SGPL1: variants seen among roughly 807,000 people sequenced by gnomAD.
SGPL1 encodes the protein sphingosine-1-phosphate lyase 1.
In SGPL1, 37 loss-of-function variants were observed where a neutral mutation model predicts 68.9. That is an observed-to-expected ratio of 0.54 (90% CI 0.41 to 0.71). The LOEUF (loss-of-function observed/expected upper bound fraction) is 0.71, where lower values mean the gene tolerates loss of function less well. SGPL1 is among the 30% of genes least tolerant of loss of function. The pLI, the probability that SGPL1 is intolerant of heterozygous loss-of-function variation, is 0.00. For synonymous variants in SGPL1, 236 were observed against 248.5 expected (o/e 0.95, Z 0.47); for missense variants, 551 against 704.6 (o/e 0.78, Z 2.47).
At chr10:70,823,131 CGT>C (rs1362011008) in intron 2 of SGPL1, among the ~76,000 whole-genome samples, 1 of 151,932 alleles carries the variant, frequency 6.6e-6, no homozygotes, top group Non-Finnish European at 1.5e-5. Flanking sequence ...ATTCAAGGGG[CGT>C]GTGTGTGTCT....
chr10:70,852,823 G>A (rs1346557118), intron 4 of SGPL1, among the ~76,000 whole-genome samples: 2 of 152,200 alleles, frequency 1.3e-5, no homozygotes, highest in African/African-American at 4.8e-5. Flanking sequence ...TCTGGGTGCT[G>A]GGGATATGGT....
intron 8 of SGPL1, among the ~76,000 whole-genome samples, chr10:70,868,663 A>G (rs529960243): frequency 6.6e-6 from 1 of 150,534 alleles, no homozygotes; most frequent in South Asian, 2.2e-4. Flanking sequence ...CCACCCCCAG[A>G]TCATGCATAG....
At chr10:70,847,757 G>T (rs1845814779) in intron 3 of SGPL1, among the ~76,000 whole-genome samples, 2 of 152,152 alleles carry the variant, frequency 1.3e-5, no homozygotes, top group African/African-American at 2.4e-5. Flanking sequence ...AGAGATCAGG[G>T]ATAATTTTGA....
chr10:70,854,926 C>T, intron 5 of SGPL1, 71 bp downstream of exon 5: 1 of 1,355,884 alleles, frequency 7.4e-7, no homozygotes, highest in Non-Finnish European at 9.9e-7. Context: ...TTAATGTTCA[C>T]ATAGGTTAAG....
intron 2 of SGPL1, among the ~76,000 whole-genome samples, chr10:70,827,591 C>T (rs972183337): frequency 2.6e-5 from 4 of 152,056 alleles, no homozygotes; most frequent in Non-Finnish European, 4.4e-5. Flanking sequence ...CAATCCTAGC[C>T]CATTATTCAG....
At chr10:70,828,133 T>C (rs1438526432) in intron 2 of SGPL1, among the ~76,000 whole-genome samples, 1 of 152,202 alleles carries the variant, frequency 6.6e-6, no homozygotes, top group Admixed American at 6.5e-5. Flanking sequence ...AGTTGCTGTG[T>C]GGTAACGTGT....
At chr10:70,847,039 T>C (rs1845802307) in intron 3 of SGPL1, among the ~76,000 whole-genome samples, 1 of 152,212 alleles carries the variant, frequency 6.6e-6, no homozygotes, top group African/African-American at 2.4e-5. Flanking sequence ...TGCTGGCCTC[T>C]GAGAGGCCAA....
chr10:70,819,953 A>G (rs759448436), intron 2 of SGPL1, among the ~76,000 whole-genome samples: 16 of 152,148 alleles, frequency 1.1e-4, no homozygotes, highest in Non-Finnish European at 1.9e-4. Context: ...TGCAGCTTAT[A>G]TTATACATGA....
intron 2 of SGPL1, among the ~76,000 whole-genome samples, chr10:70,832,938 T>C (rs895368060): frequency 2.6e-5 from 4 of 152,246 alleles, no homozygotes; most frequent in African/African-American, 9.6e-5. Flanking sequence ...CTTTTAAATA[T>C]GTATTTCAGA....
In SGPL1 at chr10:70,877,933, G is replaced by T. The variant is rs989500512; in HGVS notation, c.*598G>T. Reference sequence around the variant, plus strand: ...GGGTTCAAGCGATTCTTCTGCCTCAGCCTCCCGAGTAGCTGGGATTACCGG... The same window carrying T: ...GGGTTCAAGCGATTCTTCTGCCTCATCCTCCCGAGTAGCTGGGATTACCGG... On this transcript the variant is annotated 3_prime_UTR_variant, in exon 15 of 15. Transcript: ENST00000373202. 6.7e-6 allele frequency: 1 copy of T among 148,756 alleles called. No homozygotes were observed. The highest frequency in any genetic ancestry group is 1.5e-5 in the Non-Finnish European group (1 of 67,716). The allele number at this position is 148,756 out of a possible 1,614,324, so 9.2% of individuals were successfully genotyped here.
intron 2 of SGPL1, among the ~76,000 whole-genome samples, chr10:70,836,488 GTTTCT>G (rs1373207450): frequency 6.6e-6 from 1 of 152,066 alleles, no homozygotes; most frequent in Non-Finnish European, 1.5e-5. Context: ...CTGCACACTG[GTTTCT>G]TTTCTTTTCT....
chr10:70,878,405 A>G lies in SGPL1; in HGVS notation c.*1070A>G, dbSNP rs1392753166. 1 of 152,250 alleles carries G rather than the reference A, an allele frequency of 6.6e-6. No individual in the cohort carries two copies. Among genetic ancestry groups the G allele is most frequent in the African/African-American group, 2.4e-5 (1 of 41,460 alleles). 9.4% of individuals were successfully genotyped at this position (152,250 alleles called of 1,614,324 possible). A position where few individuals can be genotyped will look rare whatever the true frequency, so the allele number is the denominator to read the frequency against. The stretch of plus-strand genomic sequence containing the variant: ...TGTTACCATGGACTAGGAAGAAAAC[A>G]TGGTTTCCAAATAATCTGGGAGCTT... On this transcript the variant is annotated 3_prime_UTR_variant, in exon 15 of 15. Coordinates refer to ENST00000373202, the MANE Select transcript of SGPL1 (RefSeq NM_003901.4).
intron 5 of SGPL1, chr10:70,857,353 T>G: frequency 2.6e-6 from 1 of 388,630 alleles, no homozygotes; most frequent in South Asian, 2.2e-5. Flanking sequence ...GAGGACAACA[T>G]TATTATCAGA....
intron 3 of SGPL1, among the ~76,000 whole-genome samples, chr10:70,845,911 T>G (rs763598870): frequency 1.3e-5 from 2 of 152,236 alleles, no homozygotes; most frequent in Non-Finnish European, 2.9e-5. Flanking sequence ...TTAAAAGGGC[T>G]CTTTAATGTG....
rs57356102 is a variant in SGPL1 at position 70,876,425 on chromosome 10, A to G, written c.1446-116A>G. On this transcript the variant is annotated intron_variant, in intron 13 of 14. Coordinates refer to ENST00000373202, the MANE Select transcript of SGPL1 (RefSeq NM_003901.4). ...GACTAGGAACAACTTGGATGACTACACTTGTCAGAAATATTGTGAAAGGGC... is the reference window on the plus strand; with the variant it reads ...GACTAGGAACAACTTGGATGACTACGCTTGTCAGAAATATTGTGAAAGGGC... 8.0e-4 allele frequency: 750 copies of G among 935,510 alleles called. 4 individuals carry two copies. The African/African-American group carries it at 8.9e-3, about 11-fold the overall frequency. 58.0% of individuals were successfully genotyped at this position (935,510 alleles called of 1,614,324 possible).
At chr10:70,849,661 G>C (rs564062569) in intron 3 of SGPL1, among the ~76,000 whole-genome samples, 4 of 152,332 alleles carry the variant, frequency 2.6e-5, no homozygotes, top group East Asian at 1.9e-4. Context: ...ATACAAAAAG[G>C]GGGTGCAGAC....
chr10:70,844,780 G>T (rs1400855669), intron 3 of SGPL1, 142 bp downstream of exon 3: 4 of 778,966 alleles, frequency 5.1e-6, no homozygotes, highest in Non-Finnish European at 8.1e-6. Context: ...TCCATCTGTT[G>T]CTAGGCTGGA....
At chr10:70,875,103 A>G (rs1376290413) in intron 12 of SGPL1, among the ~76,000 whole-genome samples, 2 of 152,192 alleles carry the variant, frequency 1.3e-5, no homozygotes. Flanking sequence ...AGAAGCATCT[A>G]GGGGAATATA....
In SGPL1 at chr10:70,837,888, TGAATAATAACATGTCAGAAGGGCAA is replaced by T. The variant is rs1845651236; in HGVS notation, c.28-6583_28-6559del. On this transcript the variant is annotated intron_variant, in intron 2 of 14. Coordinates refer to ENST00000373202, the MANE Select transcript of SGPL1 (RefSeq NM_003901.4). ...TATCTGGTGAGGGCCTTCTTCTTGC[TGAATAATAACATGTCAGAAGGGCAA>T]GTGAGCACGCGAGCTAGAGGGGATG... is the stretch of plus-strand genomic sequence containing the variant. 2.6e-5 allele frequency among the ~76,000 whole-genome samples: 4 copies of T among 152,124 alleles called. No homozygotes were observed. The South Asian group carries it at 8.3e-4, about 32-fold the overall frequency.
Sources: allele counts gnomAD v4.1 joint callset (sites outside exome capture counted in the v4.1 genomes callset), GRCh38; gene constraint gnomAD v4.1.1; transcripts MANE v1.5; gene names NCBI Gene and HGNC (gene_info 2026-07-23, HGNC 2026-07-21).